SAMD12: variants seen among roughly 807,000 people sequenced by gnomAD.
SAMD12 encodes the protein sterile alpha motif domain containing 12.
Under a neutral mutation model 15.0 loss-of-function variants are expected in SAMD12, and 9 were observed. The observed-to-expected ratio is 0.60, with a 90% confidence interval of 0.36 to 1.05. SAMD12 has a LOEUF of 1.05. Among genes scored for constraint, SAMD12 ranks in the 50% least tolerant of loss-of-function variants. The pLI is 0.01. For synonymous variants in SAMD12, 86 were observed against 90.1 expected, an observed-to-expected ratio of 0.96 and a Z score of 0.25; for missense variants, 230 against 234.2, an observed-to-expected ratio of 0.98 and a Z score of 0.12.
At chr8:118,503,299 A>C (rs1212574323) in intron 2 of SAMD12, among the ~76,000 whole-genome samples, 1 of 152,328 alleles carries the variant, frequency 6.6e-6, no homozygotes, top group African/African-American at 2.4e-5. Context: ...TCCTACCAGT[A>C]GTGCATTATG....
chr8:118,617,923 C>T (rs955678629), intron 1 of SAMD12, among the ~76,000 whole-genome samples: 23 of 152,172 alleles, frequency 1.5e-4, no homozygotes, highest in African/African-American at 5.1e-4. Context: ...ACCGTCTATA[C>T]ACAGTCTGTC....
intron 2 of SAMD12, among the ~76,000 whole-genome samples, chr8:118,481,496 G>C (rs890905686): frequency 5.3e-5 from 8 of 152,050 alleles, no homozygotes; most frequent in Admixed American, 2.6e-4. Flanking sequence ...AGGAGTTCAG[G>C]GGACAAAGGA....
intron 2 of SAMD12, among the ~76,000 whole-genome samples, chr8:118,452,902 T>C (rs1357757070): frequency 6.6e-6 from 1 of 152,170 alleles, no homozygotes; most frequent in Non-Finnish European, 1.5e-5. Context: ...CTTATTAGTC[T>C]CTAATTTATC....
chr8:118,363,481 T>TG (rs1354325804), intron 4 of SAMD12, among the ~76,000 whole-genome samples: 1 of 151,604 alleles, frequency 6.6e-6, no homozygotes, highest in African/African-American at 2.4e-5. Flanking sequence ...AGACACTGGG[T>TG]TTTTTTTTCC....
intron 1 of SAMD12, among the ~76,000 whole-genome samples, chr8:118,606,499 A>C (rs1827988454): frequency 6.6e-6 from 1 of 152,082 alleles, no homozygotes; most frequent in Admixed American, 6.5e-5. Context: ...GAGTGGCATG[A>C]TTTCAGTGAT....
At chr8:118,586,524 G>A (rs1827448768) in intron 1 of SAMD12, among the ~76,000 whole-genome samples, 1 of 151,854 alleles carries the variant, frequency 6.6e-6, no homozygotes, top group Non-Finnish European at 1.5e-5. Flanking sequence ...TGTATTATTT[G>A]TAGAGGCAGG....
chr8:118,315,879 G>GT (rs1270159048), intron 4 of SAMD12, among the ~76,000 whole-genome samples: 4 of 152,172 alleles, frequency 2.6e-5, no homozygotes, highest in Admixed American at 6.5e-5. Context: ...TTATTACCAG[G>GT]TTTCCCCCTG....
intron 2 of SAMD12, among the ~76,000 whole-genome samples, chr8:118,569,614 G>A (rs2131230825): frequency 6.6e-6 from 1 of 152,252 alleles, no homozygotes; most frequent in African/African-American, 2.4e-5. Context: ...GTCAATGAGG[G>A]TGGAGGGCCC....
In SAMD12 at chr8:118,283,882, T is replaced by G. The variant is rs184482151; in HGVS notation, c.434-86150A>C. ...TTATTTAGGAGTTTCATTCAGAAAC[T>G]TCACGTATTACAGCATGTTCCCATT... is the stretch of plus-strand genomic sequence containing the variant. On this transcript the variant is annotated intron_variant, in intron 4 of 4. Coordinates refer to the SAMD12 transcript ENST00000409003. Among the ~76,000 whole-genome samples, 6 of 152,304 alleles carry G rather than the reference T, an allele frequency of 3.9e-5. No homozygotes were observed. The East Asian group carries it at 1.2e-3, about 29-fold the overall frequency.
At chr8:118,555,721 T>C (rs898170799) in intron 2 of SAMD12, among the ~76,000 whole-genome samples, 5 of 152,226 alleles carry the variant, frequency 3.3e-5, no homozygotes, top group Admixed American at 2.6e-4. Context: ...GTAGTGCCAA[T>C]GAATTGCAGA....
chr8:118,370,848 TA>T (rs768236284), intron 4 of SAMD12, among the ~76,000 whole-genome samples: 13 of 152,142 alleles, frequency 8.5e-5, no homozygotes, highest in Non-Finnish European at 1.8e-4. Context: ...GCTTAATACC[TA>T]AGTGATGGGT....
At chr8:118,526,874 A>T (rs1368056738) in intron 2 of SAMD12, among the ~76,000 whole-genome samples, 1 of 152,190 alleles carries the variant, frequency 6.6e-6, no homozygotes, top group Admixed American at 6.5e-5. Context: ...AAAGGAAAAC[A>T]TTCCACACAT....
At chr8:118,348,504 T>C (rs1369421659) in intron 4 of SAMD12, among the ~76,000 whole-genome samples, 1 of 152,056 alleles carries the variant, frequency 6.6e-6, no homozygotes, top group Non-Finnish European at 1.5e-5. Flanking sequence ...CCCGAGTAGC[T>C]GGAACTACAG....
At chr8:118,312,066 C>T (rs1815660035) in intron 4 of SAMD12, among the ~76,000 whole-genome samples, 1 of 152,032 alleles carries the variant, frequency 6.6e-6, no homozygotes, top group Non-Finnish European at 1.5e-5. Flanking sequence ...AGAAATGTGC[C>T]CACATCTTGC....
chr8:118,263,843 T>C (rs1813139474), intron 4 of SAMD12, among the ~76,000 whole-genome samples: 2 of 152,052 alleles, frequency 1.3e-5, no homozygotes, highest in African/African-American at 2.4e-5. Context: ...GAAATGGTGC[T>C]CTCAGTCAAG....
At chr8:118,216,556 C>T (rs1811964884) in intron 4 of SAMD12, among the ~76,000 whole-genome samples, 1 of 152,280 alleles carries the variant, frequency 6.6e-6, no homozygotes, top group South Asian at 2.1e-4. Flanking sequence ...ATATTTTAAT[C>T]TTTACTCAGA....
chr8:118,394,749 G>A (rs1461194081), intron 3 of SAMD12: 1 of 152,242 alleles, frequency 6.6e-6, no homozygotes, highest in African/African-American at 2.4e-5. Context: ...GACATAGTTG[G>A]ATGATGGCTT....
intron 3 of SAMD12, among the ~76,000 whole-genome samples, chr8:118,423,322 C>T (rs922970501): frequency 7.9e-5 from 12 of 152,200 alleles, no homozygotes; most frequent in African/African-American, 1.9e-4. Context: ...GGGACTCAGG[C>T]GGGTAACACA....
exon 5 of SAMD12, chr8:118,197,704 C>T (rs1427473140): frequency 1.2e-6 from 2 of 1,613,194 alleles, no homozygotes; most frequent in Non-Finnish European, 1.7e-6. Flanking sequence ...GGAAGGCTAA[C>T]CGTGTTTATG....
Sources: allele counts gnomAD v4.1 joint callset (sites outside exome capture counted in the v4.1 genomes callset), GRCh38; gene constraint gnomAD v4.1.1; transcripts MANE v1.5; gene names NCBI Gene and HGNC (gene_info 2026-07-23, HGNC 2026-07-21).